The following ZNF395 variants were observed in gnomAD, a reference collection of about 807,000 sequenced individuals.
The protein encoded by ZNF395 is HD gene regulatory region-binding protein 2.
Under a neutral mutation model 57.7 loss-of-function variants are expected in ZNF395, and 20 were observed. The observed-to-expected ratio is 0.35, with a 90% CI of 0.24 to 0.50. The LOEUF (loss-of-function observed/expected upper bound fraction) is 0.50. Ranked by LOEUF, ZNF395 falls within the 20% of genes least tolerant of loss-of-function variation. The pLI is 0.97. For missense variants in ZNF395, 606 were observed against 671.2 expected, an observed-to-expected ratio of 0.90 and a Z score of 1.07; for synonymous variants, 295 against 275.9, an observed-to-expected ratio of 1.07 and a Z score of -0.69.
rs1421170466 is a variant in ZNF395 at position 28,348,586 on chromosome 8, C to T, written c.*133G>A. ...GGAGAAAATTGCTTTAAGTGTTACA[C>T]CTTAGCCAACAGAGCCCAAACTCCG... On this transcript the variant is annotated 3_prime_UTR_variant, in exon 10 of 10. Coordinates refer to ENST00000344423, the MANE Select transcript of ZNF395 (RefSeq NM_018660.3). 4 of 756,710 alleles carry T rather than the reference C, an allele frequency of 5.3e-6. No homozygotes were observed. Among genetic ancestry groups the T allele is most frequent in the Non-Finnish European group, 9.3e-6 (4 of 432,312 alleles). The allele number at this position is 756,710 out of a possible 1,614,324, so 46.9% of individuals were successfully genotyped here.
Position 28,350,174 on chromosome 8 carries a change from G to T in ZNF395, c.1234-18C>A. The T allele has an allele frequency of 6.3e-7, 1 of 1,587,596 alleles. No individual in the cohort carries two copies. Among genetic ancestry groups the T allele is most frequent in the African/African-American group, 1.3e-5 (1 of 74,790 alleles). On this transcript the variant is annotated intron_variant, in intron 7 of 9. Coordinates refer to ENST00000344423, the MANE Select transcript of ZNF395 (RefSeq NM_018660.3). The stretch of plus-strand genomic sequence containing the variant: ...GGCAGAGCCTGCGGAAGACGAGGGT[G>T]TCAGCCCGGATTCTAGCTCAGGAAG...
rs762520973 is a variant in ZNF395, at chr8:28,356,728, C to A, written c.525G>T (p.Thr175=). The A allele has an allele frequency of 6.2e-7, 1 of 1,614,234 alleles. No homozygotes were observed. ...GTACAACAGGGCTGCAGGACAGGGACGTCAGCACCATGGCCGCCATCATCT... is the reference window on the plus strand; with the variant it reads ...GTACAACAGGGCTGCAGGACAGGGAAGTCAGCACCATGGCCGCCATCATCT... ...MDEMMAAMVL[T]SLSCSPVVQS... The change falls in exon 4 of 10, where the codon ACG becomes ACT. Residue 175 remains threonine (T), a synonymous_variant. Coordinates refer to ENST00000344423, the MANE Select transcript of ZNF395 (RefSeq NM_018660.3). The surrounding 1 kb of genome is among the most constrained non-coding windows in gnomAD (Gnocchi z 4.0).
intron 1 of ZNF395, among the ~76,000 whole-genome samples, chr8:28,377,655 CA>C (rs1283773161): frequency 6.6e-6 from 1 of 151,168 alleles, no homozygotes; most frequent in Non-Finnish European, 1.5e-5. Flanking sequence ...GGTCACTCCA[CA>C]TTCTCCACGG....
At chr8:28,350,261 G>A (rs755867602) in intron 7 of ZNF395, 105 bp from the exon 8 acceptor site, 19 of 947,810 alleles carry the variant, frequency 2.0e-5, no homozygotes, top group Middle Eastern at 2.1e-4. Flanking sequence ...GCATCTCTGC[G>A]TAAGTGCAAT....
chr8:28,377,263 A>T (rs972234513), intron 1 of ZNF395, among the ~76,000 whole-genome samples: 1 of 152,214 alleles, frequency 6.6e-6, no homozygotes, highest in African/African-American at 2.4e-5. Context: ...TTTAAGCCAG[A>T]AGCAGTGGCT....
At chr8:28,361,284 T>C (rs1182212267) in intron 1 of ZNF395, 102 bp from the exon 2 acceptor site, 1 of 965,278 alleles carries the variant, frequency 1.0e-6, no homozygotes, top group Non-Finnish European at 1.5e-6. Flanking sequence ...TCTAGCATCC[T>C]TCCCTTTTAC....
chr8:28,372,680 A>T (rs561595969), intron 1 of ZNF395, among the ~76,000 whole-genome samples: 9 of 152,336 alleles, frequency 5.9e-5, no homozygotes, highest in African/African-American at 1.2e-4. Context: ...CCAGCTACTC[A>T]GGAGGCTGAG....
chr8:28,355,961 T>C (rs1045412456), intron 4 of ZNF395, among the ~76,000 whole-genome samples: 2 of 146,260 alleles, frequency 1.4e-5, no homozygotes, highest in African/African-American at 2.8e-5. Flanking sequence ...CAGTTAGGTG[T>C]CCACCAATGA....
At position 28,359,873 on chromosome 8, in the gene ZNF395, C is replaced by G. The variant is rs745420356; in HGVS notation, c.241-49G>C. ...AGTGGTCAGCCCTGGATGGGTCTCG[C>G]CCTGAAGTTCTCATGCACCCCACGT... On this transcript the variant is annotated intron_variant, in intron 2 of 9. Transcript: ENST00000344423. The surrounding 1 kb of genome is among the most constrained non-coding windows in gnomAD (Gnocchi z 4.7). The G allele has an allele frequency of 6.3e-7, 1 of 1,576,566 alleles. No individual in the cohort carries two copies. The highest frequency in any genetic ancestry group is 8.7e-7 in the Non-Finnish European group (1 of 1,154,724).
intron 1 of ZNF395, among the ~76,000 whole-genome samples, chr8:28,368,207 C>T (rs542231116): frequency 7.9e-5 from 12 of 152,156 alleles, no homozygotes; most frequent in African/African-American, 2.7e-4. Context: ...AGCCGAGTAT[C>T]CCTGGGGAGA....
rs1254798158 is a variant in ZNF395 at position 28,351,658 on chromosome 8, G to C, written c.1070C>G (p.Pro357Arg). The change falls in exon 7 of 10, where the codon CCC becomes CGC. Residue 357 changes from proline (P) to arginine (R), a missense_variant. Around this residue, in one of 3 missense-constraint regions of ZNF395, gnomAD observed 261 missense variants for 240.3 expected, o/e 1.09. Coordinates refer to ENST00000344423, the MANE Select transcript of ZNF395 (RefSeq NM_018660.3). The part of the protein sequence containing the change: ...GTPTSEPAPT[P>R]SMTGLPLSAL... ...AGACAGAGGCAGGCCAGTCATGCTG[G>C]GGGTGGGAGCTGGCTCGGAGGTGGG... 6.2e-6 allele frequency: 10 copies of C among 1,613,118 alleles called. No homozygotes were observed. Among genetic ancestry groups the C allele is most frequent in the Admixed American group, 1.7e-5 (1 of 60,004 alleles).
chr8:28,361,566 A>C (rs1041741249), intron 1 of ZNF395, among the ~76,000 whole-genome samples: 6 of 152,164 alleles, frequency 3.9e-5, no homozygotes, highest in African/African-American at 1.2e-4. Context: ...TTCCTATTCT[A>C]ATCTCTTATT....
chr8:28,355,963 C>T (rs1270475132), intron 4 of ZNF395, among the ~76,000 whole-genome samples: 1 of 146,032 alleles, frequency 6.8e-6, no homozygotes, highest in East Asian at 1.9e-4. Flanking sequence ...GTTAGGTGTC[C>T]ACCAATGAAG....
rs58805614 is a variant in ZNF395 at position 28,348,259 on chromosome 8, CTTTTTTTTTTT to C, written c.*449_*459del. 1 of 90,466 alleles carries C rather than the reference CTTTTTTTTTTT, an allele frequency of 1.1e-5. No homozygotes were observed. The highest frequency in any genetic ancestry group is 1.4e-4 in the Admixed American group (1 of 7,266). 5.6% of individuals were successfully genotyped at this position (90,466 alleles called of 1,614,324 possible). ...CTGAGTCACCCATCAGCCAGAAACTCTTTTTTTTTTTTTTTTTTTTTTTTTTTAAGAAAAGT... is the reference window on the plus strand; with the variant it reads ...CTGAGTCACCCATCAGCCAGAAACTCTTTTTTTTTTTTTTTTAAGAAAAGT... On this transcript the variant is annotated 3_prime_UTR_variant, in exon 10 of 10. Transcript: ENST00000344423.
chr8:28,349,215 G>T lies in ZNF395; in HGVS notation c.1340C>A (p.Ser447Ter). ...CTGCTGGGGCTCGCTGAAGCTTAGC[G>T]ACCGGCTCCGGACCTGGGCGTGGGG... is the stretch of plus-strand genomic sequence containing the variant. ...ACSLSPVRSR[S>*]LSFSEPQQPA... is the part of the protein sequence containing the mutation. The change falls in exon 9 of 10, where the codon TCG becomes TAG. Residue 447 changes from serine to a stop codon, truncating the protein, a stop_gained. Coordinates refer to ENST00000344423, the MANE Select transcript of ZNF395 (RefSeq NM_018660.3). LOFTEE classifies it high-confidence loss of function. 1.3e-6 allele frequency: 2 copies of T among 1,550,418 alleles called. No individual in the cohort carries two copies. Among genetic ancestry groups the T allele is most frequent in the South Asian group, 2.5e-5 (2 of 81,098 alleles).
chr8:28,351,731 C>G lies in ZNF395; in HGVS notation c.997G>C (p.Ala333Pro). ...GCGGCAGCAGCAGCAGCAGCAGCAG[C>G]AGATTCCTCCTTCAGCTGCACCTCT... is the stretch of plus-strand genomic sequence containing the variant. ...YTEVQLKEES[A>P]AAAAAAAAGT... The change falls in exon 7 of 10, where the codon GCT (alanine) becomes CCT (proline). Residue 333 changes from alanine (A) to proline (P), a missense_variant. Around this residue, in one of 3 missense-constraint regions of ZNF395, gnomAD observed 261 missense variants for 240.3 expected, o/e 1.09. Transcript: ENST00000344423. 6.2e-7 allele frequency: 1 copy of G among 1,605,762 alleles called. No homozygotes were observed. Among genetic ancestry groups the G allele is most frequent in the Non-Finnish European group, 8.5e-7 (1 of 1,179,358 alleles).
At chr8:28,377,457 A>G (rs936349163) in intron 1 of ZNF395, among the ~76,000 whole-genome samples, 2 of 152,272 alleles carry the variant, frequency 1.3e-5, no homozygotes, top group South Asian at 2.1e-4. Flanking sequence ...TAAACTAAAC[A>G]TATGTTTTCC....
In ZNF395 at chr8:28,359,618, G is replaced by A. The variant is rs777335280; in HGVS notation, c.447C>T (p.Val149=). The A allele has an allele frequency of 6.2e-7, 1 of 1,606,568 alleles. No homozygotes were observed. The change falls in exon 3 of 10, where the codon GTC becomes GTT. Residue 149 remains valine (V), a synonymous_variant. Transcript: ENST00000344423. This position sits in a 1 kb window ranked among gnomAD's most constrained non-coding sequence, Gnocchi z 4.7. ...TCTTTGGGACATCGATGTTCCTGGAGACGGGCCTGTAGGCCAGGGCCTGGG... is the reference window on the plus strand; with the variant it reads ...TCTTTGGGACATCGATGTTCCTGGAAACGGGCCTGTAGGCCAGGGCCTGGG... The part of the protein sequence containing the change: ...PGAQALAYRP[V]SRNIDVPKRK...
intron 1 of ZNF395, among the ~76,000 whole-genome samples, chr8:28,384,170 G>A (rs1262007181): frequency 6.6e-6 from 1 of 152,124 alleles, no homozygotes; most frequent in Non-Finnish European, 1.5e-5. Flanking sequence ...CATTACAGTT[G>A]TTCATTACAC....
Sources: allele counts gnomAD v4.1 joint callset (sites outside exome capture counted in the v4.1 genomes callset), GRCh38; gene constraint gnomAD v4.1.1; regional missense constraint gnomAD v4.1.1; non-coding constraint Gnocchi (gnomAD v3.1); transcripts MANE v1.5; gene names NCBI Gene and HGNC (gene_info 2026-07-23, HGNC 2026-07-21).